The following SLC25A26 variants were observed in gnomAD, a reference collection of about 807,000 sequenced individuals.
The protein encoded by SLC25A26 is solute carrier family 25 member 26, also known as mitochondrial S-adenosylmethionine carrier protein.
A neutral mutation model predicts 37.8 loss-of-function variants in SLC25A26; 36 were observed. The observed-to-expected ratio is 0.95, with a 90% CI of 0.73 to 1.26. The LOEUF (loss-of-function observed/expected upper bound fraction) is 1.26, where lower values mean the gene tolerates loss of function less well. SLC25A26 is among the 50% of genes most tolerant of loss of function. SLC25A26 has a pLI of 0.00. For synonymous variants in SLC25A26, 129 were observed against 122.5 expected, an observed-to-expected ratio of 1.05 and a Z score of -0.35; for missense variants, 390 against 331.1, an observed-to-expected ratio of 1.18 and a Z score of -1.38.
intron 5 of SLC25A26, among the ~76,000 whole-genome samples, chr3:66,278,745 G>A (rs1188140480): frequency 2.6e-5 from 4 of 152,100 alleles, no homozygotes; most frequent in African/African-American, 9.7e-5. Context: ...ACATGATGAG[G>A]CTGTTGCTTT....
At chr3:66,277,434 G>C (rs7619768) in intron 5 of SLC25A26, among the ~76,000 whole-genome samples, 6,845 of 152,042 alleles carry the variant, frequency 0.045, 490 homozygotes, top group African/African-American at 0.16. Flanking sequence ...CGGGTGTTAG[G>C]GGGTGGGTAA....
At chr3:66,255,428 A>G (rs537316040) in intron 3 of SLC25A26, among the ~76,000 whole-genome samples, 103 of 152,030 alleles carry the variant, frequency 6.8e-4, no homozygotes, top group Non-Finnish European at 1.1e-3. Flanking sequence ...CTAAGGTTTC[A>G]TATTTTGGCA....
chr3:66,280,207 G>A lies in SLC25A26; in HGVS notation c.453+16828G>A, dbSNP rs1300559722. On this transcript the variant is annotated intron_variant, in intron 5 of 9. Coordinates refer to ENST00000354883, the MANE Select transcript of SLC25A26 (RefSeq NM_001379210.1). ...AGGTCTGGTATATAGTTGCCTCTTG[G>A]TAAGTGATAAGTTCTTACCACATTA... 3.3e-5 allele frequency among the ~76,000 whole-genome samples: 5 copies of A among 152,254 alleles called. No homozygotes were observed. In the East Asian group the frequency reaches 5.8e-4, roughly 18 times the overall value.
chr3:66,161,477 C>T (rs1227596159), intron 1 of SLC25A26, among the ~76,000 whole-genome samples: 2 of 152,110 alleles, frequency 1.3e-5, no homozygotes, highest in Non-Finnish European at 2.9e-5. Context: ...TAATGGGAAA[C>T]CCACTAGAAA....
At chr3:66,299,925 C>A (rs1325337229) in intron 5 of SLC25A26, among the ~76,000 whole-genome samples, 1 of 152,102 alleles carries the variant, frequency 6.6e-6, no homozygotes. Context: ...GGGCAAAAAT[C>A]CAGTTAAAAA....
chr3:66,308,421 A>G (rs889490561), intron 5 of SLC25A26, among the ~76,000 whole-genome samples: 1 of 152,122 alleles, frequency 6.6e-6, no homozygotes, highest in Admixed American at 6.6e-5. Context: ...TGGAGTTTTC[A>G]AAATATACAA....
At chr3:66,330,858 C>G (rs1221873443) in intron 5 of SLC25A26, among the ~76,000 whole-genome samples, 2 of 152,102 alleles carry the variant, frequency 1.3e-5, no homozygotes, top group African/African-American at 4.8e-5. Context: ...TGCAAGGAAT[C>G]AGATCCAAGA....
At chr3:66,371,874 G>A (rs1042808315) in intron 9 of SLC25A26, among the ~76,000 whole-genome samples, 23 of 152,206 alleles carry the variant, frequency 1.5e-4, no homozygotes, top group Non-Finnish European at 1.6e-4. Context: ...AAGCAGGAGG[G>A]TCGCTCGAAG....
intron 1 of SLC25A26, among the ~76,000 whole-genome samples, chr3:66,208,222 T>C (rs1424773944): frequency 6.6e-6 from 1 of 152,330 alleles, no homozygotes; most frequent in South Asian, 2.1e-4. Context: ...TAGAGTTTCA[T>C]TGTTCATCAT....
At chr3:66,317,413 G>A (rs895170324) in intron 5 of SLC25A26, among the ~76,000 whole-genome samples, 12 of 152,094 alleles carry the variant, frequency 7.9e-5, no homozygotes, top group South Asian at 2.1e-4. Context: ...CCTATTCTCC[G>A]GGGCCCCTCC....
chr3:66,338,751 A>G (rs1431314293), intron 5 of SLC25A26, among the ~76,000 whole-genome samples: 1 of 151,940 alleles, frequency 6.6e-6, no homozygotes, highest in Non-Finnish European at 1.5e-5. Flanking sequence ...TTCCCACACA[A>G]ACTACAACTT....
chr3:66,295,610 C>G lies in SLC25A26; in HGVS notation c.453+32231C>G, dbSNP rs547510040. Among the ~76,000 whole-genome samples the G allele has an allele frequency of 6.3e-4, 96 of 151,944 alleles. 1 individual carries two copies. The highest frequency in any genetic ancestry group is 2.2e-3 in the African/African-American group (93 of 41,498). On this transcript the variant is annotated intron_variant, in intron 5 of 9. Coordinates refer to ENST00000354883, the MANE Select transcript of SLC25A26 (RefSeq NM_001379210.1). ...TAGAGACGGGGTTTCACCATGTTAG[C>G]TAGAATGCTCTTGATCTCCTGACTT... is the stretch of plus-strand genomic sequence containing the variant.
chr3:66,358,222 T>G (rs1415000846), intron 6 of SLC25A26, among the ~76,000 whole-genome samples: 1 of 152,246 alleles, frequency 6.6e-6, no homozygotes, highest in African/African-American at 2.4e-5. Context: ...TTTCAAAATA[T>G]TTCCATAATT....
At chr3:66,227,157 AG>A (rs1475070625) in intron 1 of SLC25A26, among the ~76,000 whole-genome samples, 1 of 152,206 alleles carries the variant, frequency 6.6e-6, no homozygotes, top group African/African-American at 2.4e-5. Context: ...GACATAACTT[AG>A]TCTGGGACAT....
intron 5 of SLC25A26, among the ~76,000 whole-genome samples, chr3:66,301,231 A>G (rs2075067715): frequency 6.6e-6 from 1 of 152,220 alleles, no homozygotes; most frequent in Non-Finnish European, 1.5e-5. Flanking sequence ...CTCTTGTTTT[A>G]AAATGAAGTG....
chr3:66,223,703 C>T (rs1430073035), intron 1 of SLC25A26, among the ~76,000 whole-genome samples: 1 of 152,198 alleles, frequency 6.6e-6, no homozygotes, highest in Non-Finnish European at 1.5e-5. Context: ...ATTAAACACA[C>T]AGAGCAGAGC....
At chr3:66,375,996 G>C (rs1003959179) in intron 9 of SLC25A26, among the ~76,000 whole-genome samples, 1 of 150,464 alleles carries the variant, frequency 6.6e-6, no homozygotes, top group Non-Finnish European at 1.5e-5. Context: ...GACCATGCTG[G>C]GACTTTGGAA....
intron 1 of SLC25A26, among the ~76,000 whole-genome samples, chr3:66,194,118 C>T (rs996399749): frequency 3.7e-4 from 57 of 152,350 alleles, no homozygotes; most frequent in African/African-American, 1.3e-3. Flanking sequence ...CTGCCAGTGA[C>T]ACATCCTGAT....
intron 5 of SLC25A26, among the ~76,000 whole-genome samples, chr3:66,294,157 G>T (rs1294670505): frequency 2.0e-5 from 3 of 152,130 alleles, no homozygotes; most frequent in Non-Finnish European, 4.4e-5. Flanking sequence ...CTACTCATAA[G>T]CATGGAGTGT....
Sources: gnomAD v4.1 joint callset for allele counts (sites outside exome capture counted in the v4.1 genomes callset) on GRCh38, gnomAD v4.1.1 for gene constraint, MANE v1.5 for transcripts, NCBI Gene and HGNC (gene_info 2026-07-23, HGNC 2026-07-21) for gene names.